Variants in MTDH observed in about 807,000 individuals in gnomAD.
MTDH encodes metadherin, also known as protein LYRIC.
Under a neutral mutation model 72.7 loss-of-function variants are expected in MTDH, and 34 were observed. The ratio of observed to expected loss-of-function variants is 0.47; its 90% CI spans 0.36 to 0.62. The LOEUF is 0.62. Ranked by LOEUF, MTDH falls within the 20% of genes least tolerant of loss-of-function variation. MTDH has a pLI of 0.00. For synonymous variants in MTDH, 266 were observed against 268.9 expected, an observed-to-expected ratio of 0.99 and a Z score of 0.10; for missense variants, 677 against 699.4, an observed-to-expected ratio of 0.97 and a Z score of 0.36.
chr8:97,700,534 G>A (rs1586263616), intron 7 of MTDH, among the ~76,000 whole-genome samples: 1 of 152,104 alleles, frequency 6.6e-6, no homozygotes, highest in East Asian at 1.9e-4. Flanking sequence ...ATGGGGACTA[G>A]CACTCTTTCA....
intron 8 of MTDH, among the ~76,000 whole-genome samples, chr8:97,711,348 A>AG (rs559590426): frequency 7.3e-5 from 11 of 151,412 alleles, no homozygotes; most frequent in South Asian, 2.1e-4. Context: ...AAAAAAAAAA[A>AG]AAAAAGAAAA....
Position 97,691,074 on chromosome 8 carries a change from G to A in MTDH, c.934G>A (p.Ala312Thr). Reference protein sequence around the residue: ...EKWNSVSPASAGKRKTEPSAW... With the variant: ...EKWNSVSPASTGKRKTEPSAW... ...GTGGAACTCCGTTTCACCTGCTTCT[G>A]CAGGAAAGAGGAAAACTGAGCCATC... The change falls in exon 6 of 12, where the codon GCA (alanine) becomes ACA (threonine). Residue 312 changes from alanine (A) to threonine (T), a missense_variant. Transcript: ENST00000336273. 6.2e-7 allele frequency: 1 copy of A among 1,614,168 alleles called. No homozygotes were observed. Among genetic ancestry groups the A allele is most frequent in the Non-Finnish European group, 8.5e-7 (1 of 1,180,024 alleles).
chr8:97,655,391 T>A (rs1811929350), intron 1 of MTDH, among the ~76,000 whole-genome samples: 1 of 152,194 alleles, frequency 6.6e-6, no homozygotes, highest in Non-Finnish European at 1.5e-5. Context: ...AACAGCAGTT[T>A]TTTAAAAAGA....
chr8:97,682,228 CTTTATATATA>C lies in MTDH; in HGVS notation c.484-4438_484-4429del, dbSNP rs1223523704. Among the ~76,000 whole-genome samples, 92 of 44,056 alleles carry C rather than the reference CTTTATATATA, an allele frequency of 2.1e-3. 1 individual carries two copies. The highest frequency in any genetic ancestry group is 5.0e-3 in the Admixed American group (16 of 3,190). 28.9% of individuals were successfully genotyped at this position (44,056 alleles called of 152,430 possible). ...TCGGGATGGGTGTTCTTGTTAATTA[CTTTATATATA>C]TATATATATATATATATATATATAT... On this transcript the variant is annotated intron_variant, in intron 2 of 11. Transcript: ENST00000336273.
chr8:97,709,385 CAT>C (rs1257334755), intron 8 of MTDH, among the ~76,000 whole-genome samples: 2 of 152,130 alleles, frequency 1.3e-5, no homozygotes, highest in African/African-American at 4.8e-5. Flanking sequence ...TGATCATTCA[CAT>C]GTTTGTTGGA....
intron 8 of MTDH, among the ~76,000 whole-genome samples, chr8:97,712,789 T>G (rs1030250922): frequency 6.6e-6 from 1 of 152,210 alleles, no homozygotes; most frequent in African/African-American, 2.4e-5. Flanking sequence ...GGAGTTGAGC[T>G]TTTTCCCATG....
intron 1 of MTDH, among the ~76,000 whole-genome samples, chr8:97,650,954 C>T (rs1462200459): frequency 1.3e-5 from 2 of 152,180 alleles, no homozygotes; most frequent in Non-Finnish European, 2.9e-5. Flanking sequence ...TTCTAATAGT[C>T]ATTCAGCAAG....
chr8:97,706,570 G>T, intron 7 of MTDH, 56 bp from the exon 8 acceptor site: 1 of 1,454,268 alleles, frequency 6.9e-7, no homozygotes, highest in Non-Finnish European at 9.1e-7. Context: ...TTTAGTTTTT[G>T]CCTTTTAATT....
At position 97,644,418 on chromosome 8, in the gene MTDH, C is replaced by A; in HGVS notation, c.-89C>A. 1 of 1,468,534 alleles carries A rather than the reference C, an allele frequency of 6.8e-7. No homozygotes were observed. The allele number at this position is 1,468,534 out of a possible 1,614,324, so 91.0% of individuals were successfully genotyped here. A position where few individuals can be genotyped will look rare whatever the true frequency, so the allele number is the denominator to read the frequency against. Reference sequence around the variant, plus strand: ...GCGATGCGCTCGGCCTGAGGTTACCCGGCCCGGCCCTTCCTCGCTTCCCTC... The same window carrying A: ...GCGATGCGCTCGGCCTGAGGTTACCAGGCCCGGCCCTTCCTCGCTTCCCTC... On this transcript the variant is annotated 5_prime_UTR_variant, in exon 1 of 12. Transcript: ENST00000336273.
Position 97,713,647 on chromosome 8 carries a change from T to G in MTDH, c.1273-15T>G, listed in dbSNP as rs1814725368. On this transcript the variant is annotated splice_polypyrimidine_tract_variant and intron_variant, in intron 8 of 11. Transcript: ENST00000336273. Reference sequence around the variant, plus strand: ...ACCATTTGGTTCTCTTTAATATTTTTGCTTTTAACCTAAGGTCTCAGATGA... The same window carrying G: ...ACCATTTGGTTCTCTTTAATATTTTGGCTTTTAACCTAAGGTCTCAGATGA... 1.4e-6 allele frequency: 2 copies of G among 1,474,812 alleles called. No individual in the cohort carries two copies. The highest frequency in any genetic ancestry group is 2.8e-5 in the African/African-American group (2 of 70,462). The allele number at this position is 1,474,812 out of a possible 1,614,324, so 91.4% of individuals were successfully genotyped here.
In MTDH at chr8:97,722,968, G is replaced by A. The variant is rs749340978; in HGVS notation, c.1611G>A (p.Pro537=). Residue 537 remains proline, a synonymous_variant, in exon 11 of 12, where the codon CCG becomes CCA. Coordinates refer to ENST00000336273, the MANE Select transcript of MTDH (RefSeq NM_178812.4). ...SDSDKSSSQV[P]PILQETDKSK... ...CTGACAAGAGCTCTTCCCAAGTGCCGCCAATACTACAAGAGACAGATAAAT... is the reference window on the plus strand; with the variant it reads ...CTGACAAGAGCTCTTCCCAAGTGCCACCAATACTACAAGAGACAGATAAAT... The A allele has an allele frequency of 5.0e-6, 8 of 1,613,788 alleles. No individual in the cohort carries two copies. In the South Asian group the frequency reaches 5.5e-5, roughly 11 times the overall value.
intron 7 of MTDH, among the ~76,000 whole-genome samples, chr8:97,703,456 C>G (rs938767044): frequency 3.9e-5 from 6 of 152,170 alleles, no homozygotes; most frequent in Admixed American, 1.3e-4. Context: ...GGTATATTGC[C>G]CACTCAATTG....
intron 8 of MTDH, 144 bp downstream of exon 8, chr8:97,706,894 C>A: frequency 2.4e-6 from 2 of 818,204 alleles, no homozygotes; most frequent in Non-Finnish European, 3.5e-6. Flanking sequence ...GCCTGGGCAA[C>A]ATAGCGAGAC....
At chr8:97,655,022 G>A (rs1811912187) in intron 1 of MTDH, among the ~76,000 whole-genome samples, 1 of 151,362 alleles carries the variant, frequency 6.6e-6, no homozygotes, top group Admixed American at 6.6e-5. Flanking sequence ...AGCCTGGGAG[G>A]CGGAGGTTGC....
At chr8:97,685,806 C>A (rs753542496) in intron 2 of MTDH, among the ~76,000 whole-genome samples, 1 of 151,768 alleles carries the variant, frequency 6.6e-6, no homozygotes, top group Non-Finnish European at 1.5e-5. Context: ...CATAGCTGAT[C>A]TCAATAAATA....
chr8:97,677,744 A>G (rs1311207796), intron 2 of MTDH, among the ~76,000 whole-genome samples: 1 of 152,218 alleles, frequency 6.6e-6, no homozygotes, highest in African/African-American at 2.4e-5. Context: ...TTCTGAAACT[A>G]TTCTAATTTA....
intron 2 of MTDH, among the ~76,000 whole-genome samples, chr8:97,675,939 GTT>G (rs57318329): frequency 6.0e-4 from 64 of 105,786 alleles, no homozygotes; most frequent in African/African-American, 2.0e-3. Context: ...TTGCAAATAG[GTT>G]TTTTTTTTTT....
chr8:97,708,370 C>T (rs1168133639), intron 8 of MTDH, among the ~76,000 whole-genome samples: 1 of 145,392 alleles, frequency 6.9e-6, no homozygotes, highest in Non-Finnish European at 1.5e-5. Context: ...CAACCTCCCC[C>T]TCCCAGGTTC....
Position 97,644,838 on chromosome 8 carries a change from G to A in MTDH, c.332G>A (p.Ser111Asn). ...DDLALLKNLRSEEQKKKNRKK... is the reference protein window; with the variant it reads ...DDLALLKNLRNEEQKKKNRKK... Reference sequence around the variant, plus strand: ...CTGGCCTTGCTGAAGAATCTCCGGAGCGAGGAACAGAAGAAGAAGAACCGG... The same window carrying A: ...CTGGCCTTGCTGAAGAATCTCCGGAACGAGGAACAGAAGAAGAAGAACCGG... Residue 111 changes from serine to asparagine, a missense_variant, in exon 1 of 12, where the codon AGC becomes AAC. By Grantham distance (46) the Ser-to-Asn change is conservative. Around this residue, in one of 3 missense-constraint regions of MTDH, gnomAD observed 467 missense variants for 469.1 expected, o/e 1.00. Transcript: ENST00000336273. 2 of 1,577,996 alleles carry A rather than the reference G, an allele frequency of 1.3e-6. No individual in the cohort carries two copies. Among genetic ancestry groups the A allele is most frequent in the Non-Finnish European group, 1.7e-6 (2 of 1,169,246 alleles).
Sources: allele counts gnomAD v4.1 joint callset (sites outside exome capture counted in the v4.1 genomes callset), GRCh38; gene constraint gnomAD v4.1.1; regional missense constraint gnomAD v4.1.1; transcripts MANE v1.5; gene names NCBI Gene and HGNC (gene_info 2026-07-23, HGNC 2026-07-21).